Variants in PDHX observed in about 807,000 individuals in gnomAD.
The protein encoded by PDHX is pyruvate dehydrogenase complex component X.
PDHX carries 33 observed loss-of-function variants against 55.3 expected under a neutral mutation model. That is an observed-to-expected ratio of 0.60 (90% CI 0.45 to 0.80). PDHX has a LOEUF of 0.80. PDHX is among the 30% of genes least tolerant of loss of function. The pLI is 0.00. For missense variants in PDHX, 622 were observed against 619.9 expected (o/e 1.00, Z -0.04); for synonymous variants, 226 against 219.4 (o/e 1.03, Z -0.27).
intron 2 of PDHX, among the ~76,000 whole-genome samples, chr11:34,947,251 T>G (rs1460487785): frequency 1.3e-5 from 2 of 152,194 alleles, no homozygotes. Flanking sequence ...ACATGCTCAG[T>G]AATCTTTGTA....
intron 10 of PDHX, among the ~76,000 whole-genome samples, chr11:34,994,245 C>G (rs1855814386): frequency 6.6e-6 from 1 of 152,184 alleles, no homozygotes; most frequent in African/African-American, 2.4e-5. Context: ...CAAACCTATA[C>G]AGCATGTTAC....
In PDHX at chr11:34,933,870, A is replaced by C. The variant is rs1205048062; in HGVS notation, c.241+2386A>C. Among the ~76,000 whole-genome samples, 7 of 152,258 alleles carry C rather than the reference A, an allele frequency of 4.6e-5. No homozygotes were observed. The East Asian group carries it at 1.3e-3, about 29-fold the overall frequency. On this transcript the variant is annotated intron_variant, in intron 2 of 10. Coordinates refer to ENST00000227868, the MANE Select transcript of PDHX (RefSeq NM_003477.3). ...AAGGATAATAAGGATAATATATTTAATATATTTCAATACATTAAATATATT... is the reference window on the plus strand; with the variant it reads ...AAGGATAATAAGGATAATATATTTACTATATTTCAATACATTAAATATATT...
At chr11:34,975,707 G>A (rs1453322147) in intron 7 of PDHX, among the ~76,000 whole-genome samples, 2 of 152,118 alleles carry the variant, frequency 1.3e-5, no homozygotes, top group South Asian at 2.1e-4. Context: ...TCCTCTGAGT[G>A]GATTATCACT....
At chr11:34,954,932 A>C (rs11032950) in intron 3 of PDHX, among the ~76,000 whole-genome samples, 2,465 of 152,304 alleles carry the variant, frequency 0.016, 40 homozygotes, top group Middle Eastern at 0.034. Flanking sequence ...GCCAGCGTTG[A>C]AACTCAGGAA....
At chr11:34,982,012 C>A (rs1855524918) in intron 8 of PDHX, among the ~76,000 whole-genome samples, 1 of 152,160 alleles carries the variant, frequency 6.6e-6, no homozygotes, top group Non-Finnish European at 1.5e-5. Flanking sequence ...TTAATGAGAT[C>A]CCATTTGTCA....
At chr11:34,916,578 G>A, upstream of PDHX, 1 of 1,574,914 alleles carries the variant, frequency 6.3e-7, no homozygotes. Context: ...CTGGGGGCGT[G>A]GCCAACCATG....
chr11:34,946,560 A>C (rs954018128), intron 2 of PDHX, among the ~76,000 whole-genome samples: 2 of 152,172 alleles, frequency 1.3e-5, no homozygotes, highest in Non-Finnish European at 2.9e-5. Context: ...CCTTGCCACC[A>C]TCCAAGGAAT....
At chr11:34,941,060 C>G (rs1854463435) in intron 2 of PDHX, among the ~76,000 whole-genome samples, 1 of 105,260 alleles carries the variant, frequency 9.5e-6, no homozygotes, top group Non-Finnish European at 2.0e-5. Context: ...CTGTCGAATA[C>G]AGTAGCTACT....
intron 3 of PDHX, among the ~76,000 whole-genome samples, chr11:34,953,306 A>G (rs1020190711): frequency 6.6e-6 from 1 of 152,202 alleles, no homozygotes; most frequent in Non-Finnish European, 1.5e-5. Flanking sequence ...CCATCAAGCT[A>G]CCAATGCCTT....
intron 7 of PDHX, among the ~76,000 whole-genome samples, chr11:34,976,347 A>C (rs1342522038): frequency 6.6e-6 from 1 of 152,196 alleles, no homozygotes; most frequent in East Asian, 1.9e-4. Flanking sequence ...TTTTCTACTC[A>C]GTAAATGTAA....
At position 34,916,640 on chromosome 11, in the gene PDHX, T is replaced by G. The variant is rs569788862; in HGVS notation, c.-16T>G. The G allele has an allele frequency of 6.2e-7, 1 of 1,605,522 alleles. No individual in the cohort carries two copies. The highest frequency in any genetic ancestry group is 8.5e-7 in the Non-Finnish European group (1 of 1,179,820). ...ATCAGGCTGTGCTGCGGGCAGCCAG[T>G]GAGAAGGCCGTCAAGATGGCGGCCT... On this transcript the variant is annotated 5_prime_UTR_variant, in exon 1 of 11. Coordinates refer to ENST00000227868, the MANE Select transcript of PDHX (RefSeq NM_003477.3).
intron 1 of PDHX, among the ~76,000 whole-genome samples, chr11:34,917,020 C>A (rs1220622769): frequency 6.6e-6 from 1 of 152,096 alleles, no homozygotes; most frequent in Non-Finnish European, 1.5e-5. Flanking sequence ...CTCGACTCTG[C>A]CCTAGGCCCC....
chr11:34,931,343 A>G (rs1310991594), intron 1 of PDHX, 61 bp from the exon 2 acceptor site: 4 of 875,056 alleles, frequency 4.6e-6, no homozygotes, highest in South Asian at 4.1e-5. Flanking sequence ...TTGAACTTAT[A>G]TTGATGCCTC....
At chr11:34,944,269 G>GCC (rs1404803116) in intron 2 of PDHX, among the ~76,000 whole-genome samples, 3 of 152,074 alleles carry the variant, frequency 2.0e-5, no homozygotes, top group Non-Finnish European at 2.9e-5. Flanking sequence ...ACAGGTGCCT[G>GCC]CCACCTCTCC....
chr11:34,930,417 T>A (rs1372616027), intron 1 of PDHX, among the ~76,000 whole-genome samples: 1 of 152,246 alleles, frequency 6.6e-6, no homozygotes, highest in East Asian at 1.9e-4. Context: ...TAGTGCTCAA[T>A]TTCCTTGCTT....
chr11:34,967,817 C>T (rs1855168646), intron 6 of PDHX, among the ~76,000 whole-genome samples: 1 of 152,060 alleles, frequency 6.6e-6, no homozygotes, highest in South Asian at 2.1e-4. Context: ...TTTTAAATAT[C>T]CATTAATGAT....
intron 3 of PDHX, among the ~76,000 whole-genome samples, chr11:34,954,243 A>C (rs1854850813): frequency 6.6e-6 from 1 of 152,236 alleles, no homozygotes; most frequent in South Asian, 2.1e-4. Flanking sequence ...ATAATTACTT[A>C]ATATATTGAT....
chr11:34,923,079 C>T (rs1215845420), intron 1 of PDHX, among the ~76,000 whole-genome samples: 1 of 152,050 alleles, frequency 6.6e-6, no homozygotes, highest in African/African-American at 2.4e-5. Context: ...AAAGGAAATG[C>T]ATTCTACACC....
At chr11:34,940,780 G>A (rs1854454559) in intron 2 of PDHX, among the ~76,000 whole-genome samples, 1 of 151,986 alleles carries the variant, frequency 6.6e-6, no homozygotes, top group Non-Finnish European at 1.5e-5. Flanking sequence ...TTTGCCTTTT[G>A]TCTATGTTTC....
Sources: gnomAD v4.1 joint callset for allele counts (sites outside exome capture counted in the v4.1 genomes callset) on GRCh38, gnomAD v4.1.1 for gene constraint, MANE v1.5 for transcripts, NCBI Gene and HGNC (gene_info 2026-07-23, HGNC 2026-07-21) for gene names.